ADK: variants seen among roughly 807,000 people sequenced by gnomAD.
ADK encodes adenosine kinase.
ADK carries 24 observed loss-of-function variants against 44.7 expected under a neutral mutation model. That is an observed-to-expected ratio of 0.54 (90% confidence interval 0.39 to 0.76). The LOEUF is 0.76. ADK is among the 30% of genes least tolerant of loss of function. The pLI, the probability that ADK is intolerant of heterozygous loss-of-function variation, is 0.00. For missense variants in ADK, 321 were observed against 425.1 expected (o/e 0.76, Z 2.15); for synonymous variants, 128 against 142.6 (o/e 0.90, Z 0.73).
intron 7 of ADK, among the ~76,000 whole-genome samples, chr10:74,553,703 G>A (rs1401814976): frequency 6.6e-6 from 1 of 152,048 alleles, no homozygotes; most frequent in Non-Finnish European, 1.5e-5. Flanking sequence ...TTTGTTAGGG[G>A]GTATAGGGAT....
intron 10 of ADK, among the ~76,000 whole-genome samples, chr10:74,671,347 G>A (rs921411856): frequency 2.0e-5 from 3 of 151,798 alleles, no homozygotes. Context: ...ACAGGTGCAT[G>A]CCTCCACACC....
chr10:74,483,085 C>T (rs1429192187), intron 6 of ADK, among the ~76,000 whole-genome samples: 1 of 152,146 alleles, frequency 6.6e-6, no homozygotes, highest in Non-Finnish European at 1.5e-5. Flanking sequence ...TTTGCATTGC[C>T]CTAGTAGAGG....
intron 9 of ADK, among the ~76,000 whole-genome samples, chr10:74,602,105 C>CAAAAAAAA (rs58400071): frequency 8.2e-5 from 4 of 48,784 alleles, no homozygotes; most frequent in Non-Finnish European, 1.1e-4. Context: ...ACCCTGTCTC[C>CAAAAAAAA]AAAAAAAAAA....
chr10:74,669,771 A>G (rs1855102792), intron 9 of ADK, among the ~76,000 whole-genome samples: 1 of 152,194 alleles, frequency 6.6e-6, no homozygotes, highest in South Asian at 2.1e-4. Context: ...ACAACTCTTT[A>G]ACTGTATCCA....
At chr10:74,592,130 C>A (rs1299869492) in intron 8 of ADK, among the ~76,000 whole-genome samples, 1 of 151,918 alleles carries the variant, frequency 6.6e-6, no homozygotes, top group African/African-American at 2.4e-5. Flanking sequence ...TGGAGCTGGG[C>A]AGAACACAAA....
intron 9 of ADK, among the ~76,000 whole-genome samples, chr10:74,664,796 C>T (rs1370138072): frequency 3.9e-5 from 6 of 152,040 alleles, no homozygotes; most frequent in Non-Finnish European, 5.9e-5. Context: ...GAGCCAGGAT[C>T]GCACCACTGC....
intron 3 of ADK, among the ~76,000 whole-genome samples, chr10:74,274,181 A>G (rs571039871): frequency 6.6e-6 from 1 of 152,330 alleles, no homozygotes; most frequent in East Asian, 1.9e-4. Context: ...CAGAAGTCCT[A>G]CCAGTAACAT....
intron 4 of ADK, among the ~76,000 whole-genome samples, chr10:74,353,881 C>T (rs1055602115): frequency 2.0e-5 from 3 of 151,982 alleles, no homozygotes; most frequent in South Asian, 4.2e-4. Flanking sequence ...GAAAAAAAAA[C>T]TTCAGTTTAC....
chr10:74,160,638 G>A (rs538325770), intron 1 of ADK, among the ~76,000 whole-genome samples: 12 of 152,094 alleles, frequency 7.9e-5, no homozygotes, highest in African/African-American at 1.4e-4. Context: ...CTGTCTGCCC[G>A]TCTGTTGTGT....
intron 3 of ADK, among the ~76,000 whole-genome samples, chr10:74,276,589 G>A (rs1246144719): frequency 6.6e-6 from 1 of 152,180 alleles, no homozygotes; most frequent in Non-Finnish European, 1.5e-5. Flanking sequence ...GTTTTACAAG[G>A]CAGAAATCAA....
intron 9 of ADK, among the ~76,000 whole-genome samples, chr10:74,622,939 G>A (rs909699267): frequency 4.0e-5 from 6 of 150,046 alleles, no homozygotes; most frequent in Admixed American, 6.6e-5. Flanking sequence ...CCCGGGAGGC[G>A]GAGGTTGCGG....
At chr10:74,412,358 C>A (rs1361420115) in intron 6 of ADK, among the ~76,000 whole-genome samples, 1 of 152,120 alleles carries the variant, frequency 6.6e-6, no homozygotes, top group East Asian at 1.9e-4. Flanking sequence ...CCAGGCTGGT[C>A]TCGAACTGCT....
chr10:74,398,050 C>G (rs1251704266), intron 5 of ADK, among the ~76,000 whole-genome samples: 1 of 151,858 alleles, frequency 6.6e-6, no homozygotes, highest in Admixed American at 6.6e-5. Flanking sequence ...TTAAAGGCTT[C>G]GATTAAATAG....
intron 7 of ADK, among the ~76,000 whole-genome samples, chr10:74,545,835 G>A (rs1258658614): frequency 6.6e-6 from 1 of 152,054 alleles, no homozygotes; most frequent in Non-Finnish European, 1.5e-5. Context: ...TTAATACAGT[G>A]GGTATTAGTA....
intron 2 of ADK, among the ~76,000 whole-genome samples, chr10:74,217,461 A>G (rs1205326614): frequency 6.6e-6 from 1 of 152,198 alleles, no homozygotes; most frequent in East Asian, 1.9e-4. Flanking sequence ...AAACAAAAAG[A>G]CAGCAGTAAC....
intron 7 of ADK, among the ~76,000 whole-genome samples, chr10:74,527,033 G>C (rs1027348294): frequency 6.6e-6 from 1 of 152,156 alleles, no homozygotes; most frequent in African/African-American, 2.4e-5. Flanking sequence ...TAGAGTTTAA[G>C]AGACAAATCT....
At chr10:74,371,918 G>A (rs1264966864) in intron 4 of ADK, 1 of 1,444,346 alleles carries the variant, frequency 6.9e-7, no homozygotes, top group East Asian at 2.3e-5. Flanking sequence ...CTGACCCCAG[G>A]GCTGACCACC....
At chr10:74,402,406 T>A (rs550520002) in intron 6 of ADK, among the ~76,000 whole-genome samples, 1 of 152,336 alleles carries the variant, frequency 6.6e-6, no homozygotes, top group South Asian at 2.1e-4. Flanking sequence ...TCTTTTCACA[T>A]AGTCCCATAT....
chr10:74,248,323 A>G (rs916393700), intron 3 of ADK, among the ~76,000 whole-genome samples: 4 of 152,110 alleles, frequency 2.6e-5, no homozygotes, highest in African/African-American at 7.2e-5. Context: ...TAGCAAATGA[A>G]TCAGTAGATG....
Sources: allele counts gnomAD v4.1 joint callset (sites outside exome capture counted in the v4.1 genomes callset), GRCh38; gene constraint gnomAD v4.1.1; transcripts MANE v1.5; gene names NCBI Gene and HGNC (gene_info 2026-07-23, HGNC 2026-07-21).